CD247: variants seen among roughly 807,000 people sequenced by gnomAD.
The protein encoded by CD247 is CD247 molecule.
CD247 carries 13 observed loss-of-function variants against 30.0 expected under a neutral mutation model. The observed-to-expected ratio is 0.43, with a 90% CI of 0.28 to 0.69. The LOEUF is 0.69. CD247 is among the 30% of genes least tolerant of loss of function. The pLI, the probability that CD247 is intolerant of heterozygous loss-of-function variation, is 0.16. For missense variants in CD247, 193 were observed against 212.6 expected, an observed-to-expected ratio of 0.91 and a Z score of 0.57; for synonymous variants, 72 against 80.0, an observed-to-expected ratio of 0.90 and a Z score of 0.53.
At position 167,494,796 on chromosome 1, in the gene CD247, G is replaced by A. The variant is rs1654613482; in HGVS notation, c.58+23612C>T. On this transcript the variant is annotated intron_variant, in intron 1 of 7. Transcript: ENST00000362089. This position sits in a 1 kb window ranked among gnomAD's most constrained non-coding sequence, Gnocchi z 7.3. The stretch of plus-strand genomic sequence containing the variant: ...TCTCATCAAAAACCAAGCATGAGAG[G>A]CAAGACAATTATTACCTCAGATCAC... Among the ~76,000 whole-genome samples, 1 of 152,148 alleles carries A rather than the reference G, an allele frequency of 6.6e-6. No individual in the cohort carries two copies. Among genetic ancestry groups the A allele is most frequent in the Admixed American group, 6.5e-5 (1 of 15,280 alleles).
chr1:167,444,097 G>T (rs1199388437), intron 1 of CD247, among the ~76,000 whole-genome samples: 2 of 152,174 alleles, frequency 1.3e-5, no homozygotes, highest in Non-Finnish European at 2.9e-5. Context: ...TTCCCTCTCT[G>T]GGCCTCAGTT....
chr1:167,456,196 A>G (rs2102020112), intron 1 of CD247, among the ~76,000 whole-genome samples: 1 of 152,300 alleles, frequency 6.6e-6, no homozygotes, highest in Middle Eastern at 3.4e-3. Flanking sequence ...GGAGAGCGCT[A>G]AATTTTATCT....
intron 1 of CD247, among the ~76,000 whole-genome samples, chr1:167,473,042 G>T (rs1361134342): frequency 6.6e-6 from 1 of 151,706 alleles, no homozygotes; most frequent in Non-Finnish European, 1.5e-5. Flanking sequence ...CTACAGCTGG[G>T]GCCTTGAAGG....
At chr1:167,432,148 C>A (rs1215530662) in intron 7 of CD247, among the ~76,000 whole-genome samples, 1 of 152,232 alleles carries the variant, frequency 6.6e-6, no homozygotes, top group African/African-American at 2.4e-5. Flanking sequence ...CTGTCCCTGA[C>A]ACCTGGGCCC....
At chr1:167,485,864 C>CT (rs1238986933) in intron 1 of CD247, among the ~76,000 whole-genome samples, 1 of 151,932 alleles carries the variant, frequency 6.6e-6, no homozygotes, top group Non-Finnish European at 1.5e-5. Flanking sequence ...ACCAAGAGGG[C>CT]TGTGGATGTT....
intron 1 of CD247, among the ~76,000 whole-genome samples, chr1:167,453,285 A>G (rs1209717724): frequency 6.6e-6 from 1 of 152,176 alleles, no homozygotes; most frequent in African/African-American, 2.4e-5. Context: ...GCAGATAAAG[A>G]GACTGAAGGT....
chr1:167,483,242 G>A (rs1212956548), intron 1 of CD247, among the ~76,000 whole-genome samples: 6 of 151,808 alleles, frequency 4.0e-5, no homozygotes, highest in African/African-American at 1.5e-4. Context: ...TCCCGACCTC[G>A]GGTGATCCAC....
intron 1 of CD247, among the ~76,000 whole-genome samples, chr1:167,486,379 G>A (rs1253417788): frequency 6.6e-6 from 1 of 152,194 alleles, no homozygotes; most frequent in Non-Finnish European, 1.5e-5. Context: ...CAGAGCACTG[G>A]AGCAAAATCG....
At chr1:167,479,902 C>G (rs1558017872) in intron 1 of CD247, among the ~76,000 whole-genome samples, 1 of 152,198 alleles carries the variant, frequency 6.6e-6, no homozygotes, top group Non-Finnish European at 1.5e-5. Flanking sequence ...CGTGCCTCTC[C>G]CCTTTGGCAT....
At chr1:167,449,689 G>GA (rs1652264982) in intron 1 of CD247, among the ~76,000 whole-genome samples, 2 of 152,016 alleles carry the variant, frequency 1.3e-5, no homozygotes, top group Non-Finnish European at 2.9e-5. Flanking sequence ...TTGGGAGGCC[G>GA]AGGTGGGCAG....
intron 1 of CD247, among the ~76,000 whole-genome samples, chr1:167,489,181 G>C (rs1425754866): frequency 6.6e-6 from 1 of 152,202 alleles, no homozygotes; most frequent in African/African-American, 2.4e-5. Context: ...AGAGTTCCTA[G>C]AAGGATCCAA....
At chr1:167,475,588 C>T (rs1653712332) in intron 1 of CD247, among the ~76,000 whole-genome samples, 1 of 152,142 alleles carries the variant, frequency 6.6e-6, no homozygotes, top group South Asian at 2.1e-4. Flanking sequence ...GGACACATCA[C>T]AAGCCTCCTG....
chr1:167,457,136 G>A (rs1382087015), intron 1 of CD247, among the ~76,000 whole-genome samples: 3 of 152,214 alleles, frequency 2.0e-5, no homozygotes, highest in Non-Finnish European at 2.9e-5. Flanking sequence ...CTGCTTTAGC[G>A]CTAGGAGCTG....
chr1:167,434,495 G>C (rs911191703), intron 5 of CD247: 15 of 353,916 alleles, frequency 4.2e-5, no homozygotes, highest in Non-Finnish European at 7.2e-5. Flanking sequence ...GGGGCGGGGA[G>C]GCATCTCCTT....
intron 1 of CD247, among the ~76,000 whole-genome samples, chr1:167,504,136 G>C (rs1655021980): frequency 6.6e-6 from 1 of 152,194 alleles, no homozygotes; most frequent in African/African-American, 2.4e-5. Context: ...GCCAAAGGCT[G>C]GCTGTGCTCC....
Position 167,431,576 on chromosome 1 carries a change from C to G in CD247, c.*105G>C, listed in dbSNP as rs1230880973. The G allele has an allele frequency of 1.1e-6, 1 of 936,268 alleles. No homozygotes were observed. Among genetic ancestry groups the G allele is most frequent in the South Asian group, 1.3e-5 (1 of 77,482 alleles). 58.0% of individuals were successfully genotyped at this position (936,268 alleles called of 1,614,324 possible). A position where few individuals can be genotyped will look rare whatever the true frequency, so the allele number is the denominator to read the frequency against. On this transcript the variant is annotated 3_prime_UTR_variant, in exon 8 of 8. Coordinates refer to ENST00000362089, the MANE Select transcript of CD247 (RefSeq NM_198053.3). ...AGCATCCTGTACATAAAGGGGAATA[C>G]TTCAGTGGCTGAGAAGAGTGAACCG...
At chr1:167,502,567 G>A (rs1268464956) in intron 1 of CD247, among the ~76,000 whole-genome samples, 1 of 152,180 alleles carries the variant, frequency 6.6e-6, no homozygotes, top group African/African-American at 2.4e-5. Context: ...GTTGGTAGGT[G>A]TTATGGGTTG....
At chr1:167,445,911 C>A (rs1365104596) in intron 1 of CD247, among the ~76,000 whole-genome samples, 2 of 152,218 alleles carry the variant, frequency 1.3e-5, no homozygotes, top group Non-Finnish European at 2.9e-5. Context: ...ACTCTAATTT[C>A]TACTTTTAAA....
chr1:167,471,337 C>T (rs1392072064), intron 1 of CD247, among the ~76,000 whole-genome samples: 1 of 152,130 alleles, frequency 6.6e-6, no homozygotes, highest in Non-Finnish European at 1.5e-5. Context: ...TTAGGGCTGA[C>T]TTACTTTCCA....
Sources: gnomAD v4.1 joint callset for allele counts (sites outside exome capture counted in the v4.1 genomes callset) on GRCh38, gnomAD v4.1.1 for gene constraint, Gnocchi (gnomAD v3.1) non-coding constraint, MANE v1.5 for transcripts, NCBI Gene and HGNC (gene_info 2026-07-23, HGNC 2026-07-21) for gene names.